Variants in PDE4D observed in about 807,000 individuals in gnomAD.
PDE4D encodes the protein 3',5'-cyclic-AMP phosphodiesterase 4D.
PDE4D carries 24 observed loss-of-function variants against 87.4 expected under a neutral mutation model. That is an observed-to-expected ratio of 0.27 (90% confidence interval 0.20 to 0.39). The LOEUF is 0.39. Among genes scored for constraint, PDE4D ranks in the 10% least tolerant of loss-of-function variants. The pLI is 1.00. For synonymous variants in PDE4D, 384 were observed against 383.2 expected, an observed-to-expected ratio of 1.00 and a Z score of -0.02; for missense variants, 714 against 1,041.0, an observed-to-expected ratio of 0.69 and a Z score of 4.32.
intron 1 of PDE4D, among the ~76,000 whole-genome samples, chr5:60,346,174 C>CA (rs1458311293): frequency 2.6e-5 from 4 of 152,126 alleles, no homozygotes; most frequent in African/African-American, 7.2e-5. Context: ...TTTCCACTTT[C>CA]ACAAGGATTA....
intron 5 of PDE4D, among the ~76,000 whole-genome samples, chr5:59,137,838 C>T (rs1777338314): frequency 1.3e-5 from 2 of 152,234 alleles, no homozygotes; most frequent in South Asian, 4.1e-4. Flanking sequence ...AAGGGGGAAA[C>T]TTTCAAGAGA....
intron 1 of PDE4D, among the ~76,000 whole-genome samples, chr5:60,310,687 A>C (rs1039729572): frequency 2.6e-5 from 4 of 152,260 alleles, no homozygotes; most frequent in Non-Finnish European, 5.9e-5. Flanking sequence ...GAAATGGATT[A>C]GTAGTAGTCA....
intron 1 of PDE4D, among the ~76,000 whole-genome samples, chr5:60,474,150 A>ATATATATG (rs1274940940): frequency 6.2e-5 from 6 of 96,406 alleles, no homozygotes; most frequent in Non-Finnish European, 1.1e-4. Context: ...ATATATATAT[A>ATATATATG]ACAAAAACCT....
intron 1 of PDE4D, among the ~76,000 whole-genome samples, chr5:59,758,581 T>A (rs1761576919): frequency 6.6e-6 from 1 of 152,170 alleles, no homozygotes; most frequent in South Asian, 2.1e-4. Flanking sequence ...AAAATTGAAG[T>A]CTAGTAAAAG....
intron 1 of PDE4D, among the ~76,000 whole-genome samples, chr5:60,365,465 G>T (rs1760439803): frequency 1.3e-5 from 2 of 151,986 alleles, no homozygotes; most frequent in Admixed American, 6.6e-5. Context: ...ACTCCTTACG[G>T]TTTTTTAAAT....
At chr5:59,465,816 C>T (rs1801504779) in intron 1 of PDE4D, among the ~76,000 whole-genome samples, 1 of 152,190 alleles carries the variant, frequency 6.6e-6, no homozygotes, top group African/African-American at 2.4e-5. Flanking sequence ...GGGCTAACTG[C>T]TTTGCTTATT....
intron 2 of PDE4D, among the ~76,000 whole-genome samples, chr5:60,139,140 T>C (rs1780306223): frequency 6.6e-6 from 1 of 152,082 alleles, no homozygotes; most frequent in Non-Finnish European, 1.5e-5. Flanking sequence ...TGCTGTACAC[T>C]GCTACAGTTG....
chr5:60,011,015 T>C (rs1318833157), intron 2 of PDE4D, among the ~76,000 whole-genome samples: 2 of 152,186 alleles, frequency 1.3e-5, no homozygotes, highest in Non-Finnish European at 2.9e-5. Context: ...CCTGCACTGT[T>C]TCTCAGGAGA....
chr5:60,232,549 A>G (rs1745940424), intron 1 of PDE4D, among the ~76,000 whole-genome samples: 1 of 151,864 alleles, frequency 6.6e-6, no homozygotes. Context: ...AGCGCCTCAG[A>G]TCCTATGCAC....
At chr5:59,741,950 G>T (rs188033093) in intron 1 of PDE4D, among the ~76,000 whole-genome samples, 64 of 152,134 alleles carry the variant, frequency 4.2e-4, no homozygotes, top group African/African-American at 1.5e-3. Context: ...TACCTTCTCT[G>T]GAGCAAACAT....
intron 1 of PDE4D, among the ~76,000 whole-genome samples, chr5:60,192,884 C>G (rs1785307865): frequency 6.6e-6 from 1 of 152,172 alleles, no homozygotes; most frequent in Non-Finnish European, 1.5e-5. Context: ...TCTCTTCTTA[C>G]TTCAGAGGAC....
At chr5:60,071,991 G>A (rs868262598) in intron 2 of PDE4D, among the ~76,000 whole-genome samples, 1 of 152,116 alleles carries the variant, frequency 6.6e-6, no homozygotes, top group African/African-American at 2.4e-5. Flanking sequence ...ATGTGAGCAT[G>A]TGTCTTTATG....
chr5:59,129,704 T>G (rs1775995813), intron 5 of PDE4D, among the ~76,000 whole-genome samples: 1 of 152,196 alleles, frequency 6.6e-6, no homozygotes, highest in African/African-American at 2.4e-5. Context: ...TGCTACTCTC[T>G]TTTTGGTAGA....
At chr5:59,768,721 C>T in intron 1 of PDE4D, 1 of 1,206,072 alleles carries the variant, frequency 8.3e-7, no homozygotes, top group Non-Finnish European at 1.1e-6. Flanking sequence ...CCCCTCCTCT[C>T]CCAAGCCCCT....
intron 1 of PDE4D, among the ~76,000 whole-genome samples, chr5:59,811,777 C>T (rs964359455): frequency 2.0e-5 from 3 of 152,222 alleles, no homozygotes; most frequent in Non-Finnish European, 4.4e-5. Context: ...AGGCAAGGTA[C>T]ATAACTTTTC....
intron 2 of PDE4D, among the ~76,000 whole-genome samples, chr5:60,046,607 TG>T (rs2152874087): frequency 6.6e-6 from 1 of 152,360 alleles, no homozygotes; most frequent in East Asian, 1.9e-4. Flanking sequence ...AGGCCTTTTC[TG>T]CATCTATTGA....
At chr5:60,135,784 C>A (rs1289416552) in intron 2 of PDE4D, among the ~76,000 whole-genome samples, 1 of 152,126 alleles carries the variant, frequency 6.6e-6, no homozygotes, top group Non-Finnish European at 1.5e-5. Context: ...TAAGGTGGGA[C>A]ATTTCTCTTC....
chr5:60,291,240 G>A (rs1390020016), intron 1 of PDE4D, among the ~76,000 whole-genome samples: 3 of 152,150 alleles, frequency 2.0e-5, no homozygotes, highest in African/African-American at 7.2e-5. Context: ...CTAACCATCT[G>A]CCTTCCTTTA....
chr5:58,987,135 C>T lies in PDE4D; in HGVS notation c.1552+1358G>A, dbSNP rs769698317. Among the ~76,000 whole-genome samples the T allele has an allele frequency of 4.6e-5, 7 of 151,900 alleles. 1 individual carries two copies. Among genetic ancestry groups the T allele is most frequent in the Admixed American group, 1.3e-4 (2 of 15,270 alleles). On this transcript the variant is annotated intron_variant, in intron 11 of 14. Transcript: ENST00000340635. ...TGTATTGCATGACCTCCCTGCTCTT[C>T]TTAGAAAGGACATAATGAACCCTCC...
Sources: gnomAD v4.1 joint callset for allele counts (sites outside exome capture counted in the v4.1 genomes callset) on GRCh38, gnomAD v4.1.1 for gene constraint, MANE v1.5 for transcripts, NCBI Gene and HGNC (gene_info 2026-07-23, HGNC 2026-07-21) for gene names.